The following ZNF331 variants were observed in gnomAD, a reference collection of about 807,000 sequenced individuals.
ZNF331 encodes C2H2-like zinc finger protein rearranged in thyroid adenomas.
In ZNF331, 2 loss-of-function variants were observed where a neutral mutation model predicts 7.0. The ratio of observed to expected loss-of-function variants is 0.29; its 90% CI spans 0.12 to 0.90. ZNF331 has a LOEUF of 0.90. Ranked by LOEUF, ZNF331 falls within the 40% of genes least tolerant of loss-of-function variation. The pLI is 0.58. For missense variants in ZNF331, 432 were observed against 587.7 expected, an observed-to-expected ratio of 0.74 and a Z score of 2.74; for synonymous variants, 196 against 205.4, an observed-to-expected ratio of 0.95 and a Z score of 0.39.
rs2089785233 is a variant in ZNF331, at chr19:53,560,165, CATATATACACACACCATACACA to C, written c.-74+4258_-74+4279del. Among the ~76,000 whole-genome samples, 1 of 150,928 alleles carries C rather than the reference CATATATACACACACCATACACA, an allele frequency of 6.6e-6. No homozygotes were observed. The highest frequency in any genetic ancestry group is 2.1e-4 in the South Asian group (1 of 4,778). On this transcript the variant is annotated intron_variant, in intron 3 of 5. Coordinates refer to ENST00000449416, the MANE Select transcript of ZNF331 (RefSeq NM_001079906.2). The surrounding 1 kb of genome is among the most constrained non-coding windows in gnomAD (Gnocchi z 4.3). ...TACACACATATATACACATCCACAC[CATATATACACACACCATACACA>C]CACATATATACACACACCATATATA...
intron 2 of ZNF331, among the ~76,000 whole-genome samples, chr19:53,545,567 C>T (rs2088542319): frequency 6.6e-6 from 1 of 152,200 alleles, no homozygotes; most frequent in Non-Finnish European, 1.5e-5. Flanking sequence ...GCGCCAGTCA[C>T]ATCCACTCAT....
chr19:53,527,325 A>G (rs2087343408), intron 2 of ZNF331, among the ~76,000 whole-genome samples: 4 of 152,368 alleles, frequency 2.6e-5, no homozygotes, highest in Admixed American at 2.6e-4. Flanking sequence ...GAAGCATAAC[A>G]AGTGTATCTC....
At chr19:53,551,333 T>A (rs759687139) in intron 2 of ZNF331, among the ~76,000 whole-genome samples, 37 of 152,180 alleles carry the variant, frequency 2.4e-4, no homozygotes, top group Non-Finnish European at 8.8e-5. Context: ...CCTCTAAACA[T>A]GTATGTGCTT....
At chr19:53,506,446 C>CTG in the ZNF331 span, among the ~76,000 whole-genome samples, 11 of 39,328 alleles carry the variant, frequency 2.8e-4, no homozygotes, top group East Asian at 8.5e-3. Flanking sequence ...CTCTCTCTGT[C>CTG]TCTCTCTCTC....
At chr19:53,504,873 G>C in the ZNF331 span, among the ~76,000 whole-genome samples, 1 of 152,300 alleles carries the variant, frequency 6.6e-6, no homozygotes, top group East Asian at 1.9e-4. Context: ...ACGGCTTTCT[G>C]GAACAAGCAG....
Position 53,539,443 on chromosome 19 carries a change from A to T in ZNF331, c.-138+161A>T, listed in dbSNP as rs1012751455. On this transcript the variant is annotated intron_variant, in intron 2 of 5. Transcript: ENST00000449416. The surrounding 1 kb of genome is among the most constrained non-coding windows in gnomAD (Gnocchi z 6.1). The stretch of plus-strand genomic sequence containing the variant: ...AGGAGGGTGAAATGCATTAACACGC[A>T]TAAAACCCATAGACGCGCACCCCTG... 1 of 152,204 alleles carries T rather than the reference A, an allele frequency of 6.6e-6. No individual in the cohort carries two copies. The highest frequency in any genetic ancestry group is 1.5e-5 in the Non-Finnish European group (1 of 68,040). 9.4% of individuals were successfully genotyped at this position (152,204 alleles called of 1,614,324 possible). A position where few individuals can be genotyped will look rare whatever the true frequency, so the allele number is the denominator to read the frequency against.
Position 53,579,281 on chromosome 19 carries a change from G to A in ZNF331, c.*1329G>A, listed in dbSNP as rs538864155. The A allele has an allele frequency of 3.2e-5, 7 of 219,068 alleles. No individual in the cohort carries two copies. The South Asian group carries it at 1.3e-3, about 41-fold the overall frequency. The allele number at this position is 219,068 out of a possible 1,614,324, so 13.6% of individuals were successfully genotyped here. On this transcript the variant is annotated 3_prime_UTR_variant, in exon 6 of 6. Transcript: ENST00000449416. ...CTGTCTTTACTCCGTGGCATCTGTG[G>A]AATAACCCTGCTAATGTAACACGTG...
At chr19:53,545,521 CAA>C (rs1032997666) in intron 2 of ZNF331, among the ~76,000 whole-genome samples, 3 of 152,200 alleles carry the variant, frequency 2.0e-5, no homozygotes, top group African/African-American at 7.2e-5. Flanking sequence ...TCACCCCACT[CAA>C]GAGGCCAGAC....
chr19:53,559,494 G>A (rs1364906751), intron 3 of ZNF331, among the ~76,000 whole-genome samples: 2 of 140,290 alleles, frequency 1.4e-5, no homozygotes, highest in Non-Finnish European at 3.1e-5. Flanking sequence ...CCATATATAT[G>A]CATATATACA....
At chr19:53,507,077 GGGGCA>G in the ZNF331 span, among the ~76,000 whole-genome samples, 22 of 152,212 alleles carry the variant, frequency 1.4e-4, no homozygotes, top group South Asian at 1.5e-3. Flanking sequence ...TCTGTTTTCC[GGGGCA>G]GGCTTATTGA....
intron 2 of ZNF331, among the ~76,000 whole-genome samples, chr19:53,542,779 A>G (rs2097432135): frequency 6.6e-6 from 1 of 152,190 alleles, no homozygotes; most frequent in Admixed American, 6.5e-5. Context: ...TTTGGTTAAT[A>G]TTGATTACGC....
intron 2 of ZNF331, among the ~76,000 whole-genome samples, chr19:53,546,140 G>GGAAA (rs551214509): frequency 2.6e-5 from 3 of 113,512 alleles, no homozygotes; most frequent in East Asian, 3.0e-4. Context: ...TCCTGAGGGG[G>GGAAA]AAAAAAAAAA....
intron 2 of ZNF331, among the ~76,000 whole-genome samples, chr19:53,546,258 C>T (rs370572455): frequency 2.6e-5 from 4 of 151,428 alleles, no homozygotes; most frequent in South Asian, 2.1e-4. Flanking sequence ...ATCTGAAAGT[C>T]GGCTCTCCAC....
rs1287454226 is a variant in ZNF331, at chr19:53,580,230, ATT to A, written c.*2280_*2281del. ...ACTCCATCAATATAATACAATTATT[ATT>A]TGTCAATCAAATATTAATAAAATCA... On this transcript the variant is annotated 3_prime_UTR_variant, in exon 6 of 6. Coordinates refer to ENST00000449416, the MANE Select transcript of ZNF331 (RefSeq NM_001079906.2). The A allele has an allele frequency of 1.1e-5, 2 of 185,116 alleles. No individual in the cohort carries two copies. The highest frequency in any genetic ancestry group is 4.7e-5 in the African/African-American group (2 of 42,632). The allele number at this position is 185,116 out of a possible 1,614,324, so 11.5% of individuals were successfully genotyped here.
rs970264211 is a variant in ZNF331, at chr19:53,559,562, TACATATATACAC to T, written c.-74+3668_-74+3679del. On this transcript the variant is annotated intron_variant, in intron 3 of 5. Transcript: ENST00000449416. ...CCATATATACACACATATACACACC[TACATATATACAC>T]ACATATATACACATTCATACATGTA... is the stretch of plus-strand genomic sequence containing the variant. Among the ~76,000 whole-genome samples, 11 of 149,996 alleles carry T rather than the reference TACATATATACAC, an allele frequency of 7.3e-5. No individual in the cohort carries two copies. The South Asian group carries it at 8.4e-4, about 11-fold the overall frequency.
chr19:53,565,798 G>T (rs1361056600), intron 3 of ZNF331, among the ~76,000 whole-genome samples: 1 of 151,994 alleles, frequency 6.6e-6, no homozygotes, highest in Admixed American at 6.6e-5. Context: ...CAAAGTGCTG[G>T]GATTACAGGA....
At chr19:53,551,825 G>A (rs1353380647) in intron 2 of ZNF331, among the ~76,000 whole-genome samples, 1 of 152,148 alleles carries the variant, frequency 6.6e-6, no homozygotes, top group African/African-American at 2.4e-5. Flanking sequence ...GATGTGGATA[G>A]GTTATATGCA....
chr19:53,551,445 G>T (rs773076768), intron 2 of ZNF331, among the ~76,000 whole-genome samples: 1 of 152,124 alleles, frequency 6.6e-6, no homozygotes, highest in Non-Finnish European at 1.5e-5. Context: ...CACGGGTCAC[G>T]TTATACCTGT....
upstream of ZNF331, among the ~76,000 whole-genome samples, chr19:53,518,329 G>A (rs1039771943): frequency 6.6e-6 from 1 of 152,160 alleles, no homozygotes; most frequent in Non-Finnish European, 1.5e-5. Context: ...ACAGGCTGAC[G>A]ACTGCACAGT....
Sources: gnomAD v4.1 joint callset for allele counts (sites outside exome capture counted in the v4.1 genomes callset) on GRCh38, gnomAD v4.1.1 for gene constraint, Gnocchi (gnomAD v3.1) non-coding constraint, MANE v1.5 for transcripts, NCBI Gene and HGNC (gene_info 2026-07-23, HGNC 2026-07-21) for gene names.